Variants in ERO1B observed in about 807,000 individuals in gnomAD.
ERO1B encodes the protein ERO1-like protein beta.
ERO1B carries 49 observed loss-of-function variants against 75.3 expected under a neutral mutation model. That is an observed-to-expected ratio of 0.65 (90% CI 0.52 to 0.83). The LOEUF (loss-of-function observed/expected upper bound fraction) is 0.83. Ranked by LOEUF, ERO1B falls within the 40% of genes least tolerant of loss-of-function variation. The probability of loss-of-function intolerance (pLI) is 0.00; values close to 1 mark genes in which losing one functional copy is unlikely to be tolerated. For missense variants in ERO1B, 512 were observed against 560.1 expected, an observed-to-expected ratio of 0.91 and a Z score of 0.87; for synonymous variants, 191 against 192.9, an observed-to-expected ratio of 0.99 and a Z score of 0.08.
chr1:236,265,305 G>A (rs1354024228), intron 2 of ERO1B, among the ~76,000 whole-genome samples: 3 of 152,018 alleles, frequency 2.0e-5, no homozygotes, highest in Non-Finnish European at 4.4e-5. Context: ...ATTGAATTTT[G>A]ATGATTATCA....
intron 1 of ERO1B, among the ~76,000 whole-genome samples, chr1:236,279,301 G>A (rs2812481): frequency 0.97 from 146,892 of 151,880 alleles, 71,207 homozygotes; most frequent in East Asian, 1. Context: ...TCAGGAGTTC[G>A]AGACCAGCCT....
intron 5 of ERO1B, among the ~76,000 whole-genome samples, chr1:236,245,465 C>T (rs1287988631): frequency 5.3e-4 from 1 of 1,872 alleles, no homozygotes; most frequent in African/African-American, 1.6e-3. Context: ...TATATATATA[C>T]ACACGTATAT....
intron 14 of ERO1B, 153 bp downstream of exon 14, chr1:236,221,771 T>A (rs865956501): frequency 1.6e-6 from 1 of 615,932 alleles, no homozygotes; most frequent in Non-Finnish European, 2.9e-6. Flanking sequence ...ACACATATAC[T>A]TTAATTTTTT....
Position 236,270,001 on chromosome 1 carries a change from TTTATATA to T in ERO1B, c.103-14_103-8del. 1.3e-6 allele frequency: 2 copies of T among 1,558,318 alleles called. No individual in the cohort carries two copies. Among genetic ancestry groups the T allele is most frequent in the Non-Finnish European group, 1.7e-6 (2 of 1,143,756 alleles). Reference sequence around the variant, plus strand: ...CATCCAGAACTCCAGTGACCTAGAATTTATATAATTTAAAATATGTAAACTACTGATG... The same window carrying T: ...CATCCAGAACTCCAGTGACCTAGAATATTTAAAATATGTAAACTACTGATG... On this transcript the variant is annotated splice_region_variant and splice_polypyrimidine_tract_variant and intron_variant, in intron 1 of 15. Transcript: ENST00000354619.
At chr1:236,233,648 A>C (rs1664470631) in intron 8 of ERO1B, among the ~76,000 whole-genome samples, 2 of 150,308 alleles carry the variant, frequency 1.3e-5, no homozygotes, top group African/African-American at 4.9e-5. Context: ...AACATCAGAA[A>C]GCAACTAAAA....
At chr1:236,277,594 G>T (rs1333393259) in intron 1 of ERO1B, among the ~76,000 whole-genome samples, 1 of 152,108 alleles carries the variant, frequency 6.6e-6, no homozygotes, top group Non-Finnish European at 1.5e-5. Flanking sequence ...TTCATCAATG[G>T]TAACCAACAG....
At chr1:236,251,399 G>A in intron 4 of ERO1B, 4 of 725,120 alleles carry the variant, frequency 5.5e-6, no homozygotes, top group Non-Finnish European at 6.8e-6. Flanking sequence ...GGTTTCAACT[G>A]CTTTTATATG....
At chr1:236,275,173 G>T (rs1235588086) in intron 1 of ERO1B, among the ~76,000 whole-genome samples, 1 of 152,198 alleles carries the variant, frequency 6.6e-6, no homozygotes, top group Non-Finnish European at 1.5e-5. Context: ...CCAACTGGGT[G>T]GTGTCCAACA....
At chr1:236,230,299 A>G in intron 9 of ERO1B, 49 bp from the exon 10 acceptor site, 1 of 1,458,410 alleles carries the variant, frequency 6.9e-7, no homozygotes, top group East Asian at 2.3e-5. Context: ...TCATTTATAA[A>G]GTAGAATAAA....
At chr1:236,242,189 G>A (rs947553441) in intron 6 of ERO1B, among the ~76,000 whole-genome samples, 19 of 152,118 alleles carry the variant, frequency 1.2e-4, no homozygotes, top group Admixed American at 5.2e-4. Context: ...TTTACCATAA[G>A]AGTAATATAT....
chr1:236,223,382 T>C (rs867364739), intron 13 of ERO1B, among the ~76,000 whole-genome samples: 2 of 152,128 alleles, frequency 1.3e-5, no homozygotes, highest in Middle Eastern at 3.2e-3. Flanking sequence ...AATCATTTTA[T>C]TGCATTGAGG....
chr1:236,262,828 G>A (rs143116639), intron 2 of ERO1B, among the ~76,000 whole-genome samples: 142 of 152,274 alleles, frequency 9.3e-4, no homozygotes, highest in African/African-American at 3.2e-3. Flanking sequence ...CAGGAATAAA[G>A]GGGATGTAAT....
chr1:236,265,699 G>A (rs1431647278), intron 2 of ERO1B, among the ~76,000 whole-genome samples: 1 of 152,072 alleles, frequency 6.6e-6, no homozygotes, highest in Non-Finnish European at 1.5e-5. Context: ...ATCCTTACAT[G>A]GTCAATACGG....
chr1:236,272,742 T>A (rs1443294509), intron 1 of ERO1B, among the ~76,000 whole-genome samples: 1 of 152,260 alleles, frequency 6.6e-6, no homozygotes, highest in Admixed American at 6.5e-5. Context: ...ATTGTTTTTG[T>A]TATCAGTTTT....
chr1:236,226,765 A>C (rs1257593184), intron 10 of ERO1B, 26 bp from the exon 11 acceptor site: 1 of 1,541,110 alleles, frequency 6.5e-7, no homozygotes, highest in Non-Finnish European at 8.9e-7. Flanking sequence ...TTGAAAAAGA[A>C]ATTACACCTA....
intron 9 of ERO1B, among the ~76,000 whole-genome samples, chr1:236,231,072 A>C (rs1664397070): frequency 7.1e-6 from 1 of 141,034 alleles, no homozygotes; most frequent in Non-Finnish European, 1.6e-5. Context: ...AAGGAATTAT[A>C]ATTAACACAA....
At chr1:236,236,677 T>C (rs2102946242) in intron 6 of ERO1B, among the ~76,000 whole-genome samples, 1 of 152,294 alleles carries the variant, frequency 6.6e-6, no homozygotes, top group East Asian at 1.9e-4. Flanking sequence ...TTCACCTTAT[T>C]AGAGACATGA....
intron 12 of ERO1B, among the ~76,000 whole-genome samples, chr1:236,225,765 T>C (rs748651032): frequency 5.3e-5 from 8 of 152,174 alleles, no homozygotes; most frequent in Non-Finnish European, 1.2e-4. Flanking sequence ...TGAAACCCTA[T>C]CTCTACTAAA....
intron 6 of ERO1B, among the ~76,000 whole-genome samples, chr1:236,238,523 CT>C (rs754277540): frequency 0.026 from 2,855 of 108,218 alleles, 51 homozygotes; most frequent in African/African-American, 0.052. Context: ...GGGCAACAGC[CT>C]TTTTTTTTTT....
Sources: gnomAD v4.1 joint callset for allele counts (sites outside exome capture counted in the v4.1 genomes callset) on GRCh38, gnomAD v4.1.1 for gene constraint, MANE v1.5 for transcripts, NCBI Gene and HGNC (gene_info 2026-07-23, HGNC 2026-07-21) for gene names.